Variants in ZMYND12 observed in about 807,000 individuals in gnomAD.
ZMYND12 encodes zinc finger MYND domain-containing protein 12.
Under a neutral mutation model 41.7 loss-of-function variants are expected in ZMYND12, and 32 were observed. That is an observed-to-expected ratio of 0.77 (90% CI 0.58 to 1.03). The LOEUF is 1.03. Ranked by LOEUF, ZMYND12 falls within the 50% of genes least tolerant of loss-of-function variation. ZMYND12 has a pLI of 0.00. For synonymous variants in ZMYND12, 148 were observed against 164.8 expected (o/e 0.90, Z 0.78); for missense variants, 424 against 438.5 (o/e 0.97, Z 0.30).
intron 7 of ZMYND12, chr1:42,432,864 C>T (rs1642868512): frequency 2.9e-6 from 1 of 349,174 alleles, no homozygotes; most frequent in East Asian, 6.2e-5. Flanking sequence ...CCATCCAAGG[C>T]TCCCCAGAGC....
chr1:42,449,133 A>T (rs971411995), intron 2 of ZMYND12, among the ~76,000 whole-genome samples: 7 of 152,154 alleles, frequency 4.6e-5, no homozygotes, highest in African/African-American at 1.4e-4. Context: ...AAATGGATGG[A>T]TCTTATGTTT....
intron 5 of ZMYND12, among the ~76,000 whole-genome samples, chr1:42,435,982 A>G (rs774672445): frequency 2.6e-5 from 4 of 152,212 alleles, no homozygotes; most frequent in Non-Finnish European, 4.4e-5. Flanking sequence ...TATATTGGAA[A>G]CAGTTTAAAA....
chr1:42,448,387 G>GTGT (rs1643046161), intron 3 of ZMYND12, 80 bp downstream of exon 3: 1 of 1,403,616 alleles, frequency 7.1e-7, no homozygotes, highest in Non-Finnish European at 9.4e-7. Context: ...CCACTGTCAA[G>GTGT]GGTGACTCTT....
intron 4 of ZMYND12, among the ~76,000 whole-genome samples, chr1:42,436,790 T>C (rs1570347291): frequency 6.6e-6 from 1 of 151,768 alleles, no homozygotes. Context: ...GCATCTAGGA[T>C]GGCTAGAATC....
chr1:42,437,012 T>G (rs1008992714), intron 4 of ZMYND12, among the ~76,000 whole-genome samples: 2 of 152,146 alleles, frequency 1.3e-5, no homozygotes, highest in Non-Finnish European at 2.9e-5. Flanking sequence ...CAGCATTATT[T>G]AAAATACACA....
intron 1 of ZMYND12, among the ~76,000 whole-genome samples, chr1:42,453,747 C>T (rs1464462020): frequency 6.6e-6 from 1 of 152,210 alleles, no homozygotes; most frequent in Non-Finnish European, 1.5e-5. Context: ...CTGGCCATCT[C>T]TCTGGGGGTG....
intron 4 of ZMYND12, among the ~76,000 whole-genome samples, chr1:42,438,175 G>A (rs1358570859): frequency 4.6e-5 from 7 of 152,308 alleles, no homozygotes; most frequent in African/African-American, 1.7e-4. Flanking sequence ...GTTGGAGGAT[G>A]TAGAGTATAG....
At chr1:42,443,824 T>G (rs1335043725) in intron 3 of ZMYND12, among the ~76,000 whole-genome samples, 1 of 152,168 alleles carries the variant, frequency 6.6e-6, no homozygotes. Flanking sequence ...CACTAAGACA[T>G]GATCCCTGAC....
intron 1 of ZMYND12, among the ~76,000 whole-genome samples, chr1:42,452,605 A>T (rs1488881209): frequency 1.3e-5 from 2 of 152,172 alleles, no homozygotes; most frequent in Non-Finnish European, 2.9e-5. Flanking sequence ...TGGGAGGCTG[A>T]GGCAAGAGAA....
chr1:42,430,553 C>A lies in ZMYND12; in HGVS notation c.*183G>T. On this transcript the variant is annotated 3_prime_UTR_variant, in exon 8 of 8. Coordinates refer to ENST00000372565, the MANE Select transcript of ZMYND12 (RefSeq NM_032257.5). The stretch of plus-strand genomic sequence containing the variant: ...ACACAGTTTTTAGTGATTTCTATGC[C>A]TAAAGCTTTATATTCCCTTAATATG... The A allele has an allele frequency of 1.5e-6, 1 of 687,418 alleles. No individual in the cohort carries two copies. Among genetic ancestry groups the A allele is most frequent in the South Asian group, 2.9e-5 (1 of 34,254 alleles). 42.6% of individuals were successfully genotyped at this position (687,418 alleles called of 1,614,324 possible).
Position 42,433,262 on chromosome 1 carries a change from G to T in ZMYND12, c.856C>A (p.Arg286Ser). The change falls in exon 7 of 8, where the codon CGC becomes AGC. Residue 286 changes from arginine (R) to serine (S), a missense_variant. Coordinates refer to ENST00000372565, the MANE Select transcript of ZMYND12 (RefSeq NM_032257.5). ...LDEAQEAEAI[R>S]ILTSILNIRE... ...ATGTTCAAGATTGAAGTCAGGATGC[G>T]AATGGCTTCTGCTTCTTGGGCTTCA... The T allele has an allele frequency of 6.2e-7, 1 of 1,608,480 alleles. No homozygotes were observed. The highest frequency in any genetic ancestry group is 8.5e-7 in the Non-Finnish European group (1 of 1,178,560).
At chr1:42,450,109 A>G (rs1412411248) in intron 1 of ZMYND12, 50 bp from the exon 2 acceptor site, 2 of 1,599,814 alleles carry the variant, frequency 1.3e-6, no homozygotes, top group African/African-American at 2.7e-5. Context: ...GCATGACTTA[A>G]GATTCCATTA....
intron 3 of ZMYND12, among the ~76,000 whole-genome samples, chr1:42,446,312 T>C (rs192664873): frequency 6.6e-6 from 1 of 152,312 alleles, no homozygotes; most frequent in East Asian, 1.9e-4. Flanking sequence ...GGTGCTGTAT[T>C]AGATCTGGAT....
At chr1:42,437,215 T>G (rs1277407553) in intron 4 of ZMYND12, among the ~76,000 whole-genome samples, 1 of 152,140 alleles carries the variant, frequency 6.6e-6, no homozygotes, top group Admixed American at 6.5e-5. Flanking sequence ...ATGCTGTCTG[T>G]ATGAACTGTC....
chr1:42,435,082 G>T (rs1364032531), intron 6 of ZMYND12, among the ~76,000 whole-genome samples, 192 bp downstream of exon 6: 3 of 152,024 alleles, frequency 2.0e-5, no homozygotes, highest in Non-Finnish European at 4.4e-5. Context: ...GTGATGATAG[G>T]GATCTGAATT....
chr1:42,437,094 G>A (rs1308368929), intron 4 of ZMYND12, among the ~76,000 whole-genome samples: 1 of 152,198 alleles, frequency 6.6e-6, no homozygotes, highest in Non-Finnish European at 1.5e-5. Context: ...CCAGGCAATG[G>A]AATGCTAATC....
At chr1:42,439,273 T>C (rs74857941) in intron 4 of ZMYND12, among the ~76,000 whole-genome samples, 4 of 147,786 alleles carry the variant, frequency 2.7e-5, no homozygotes, top group Admixed American at 2.0e-4. Flanking sequence ...CTCTCTCTCT[T>C]TTTTTTTTTT....
chr1:42,441,851 A>C (rs957435374), intron 3 of ZMYND12, among the ~76,000 whole-genome samples: 1 of 152,034 alleles, frequency 6.6e-6, no homozygotes, highest in African/African-American at 2.4e-5. Context: ...CGATCTCCTG[A>C]CCTTGTGATC....
intron 4 of ZMYND12, among the ~76,000 whole-genome samples, chr1:42,437,986 T>G (rs1318995889): frequency 6.6e-6 from 1 of 152,034 alleles, no homozygotes; most frequent in Non-Finnish European, 1.5e-5. Context: ...AATTTTTGTA[T>G]TTTTCATAGA....
Sources: gnomAD v4.1 joint callset for allele counts (sites outside exome capture counted in the v4.1 genomes callset) on GRCh38, gnomAD v4.1.1 for gene constraint, MANE v1.5 for transcripts, NCBI Gene and HGNC (gene_info 2026-07-23, HGNC 2026-07-21) for gene names.